EFNA5: variants seen among roughly 807,000 people sequenced by gnomAD.
EFNA5 encodes the protein ephrin-A5.
A neutral mutation model predicts 22.9 loss-of-function variants in EFNA5; 5 were observed. That is an observed-to-expected ratio of 0.22 (90% CI 0.11 to 0.46). The LOEUF (loss-of-function observed/expected upper bound fraction) is 0.46, where lower values mean the gene tolerates loss of function less well. Among genes scored for constraint, EFNA5 ranks in the 20% least tolerant of loss-of-function variants. EFNA5 has a pLI of 0.99. For missense variants in EFNA5, 237 were observed against 293.3 expected (o/e 0.81, Z 1.40); for synonymous variants, 113 against 112.2 (o/e 1.01, Z -0.04).
intron 1 of EFNA5, among the ~76,000 whole-genome samples, chr5:107,653,322 A>G (rs1194947218): frequency 6.6e-6 from 1 of 151,910 alleles, no homozygotes; most frequent in Admixed American, 6.6e-5. Flanking sequence ...GTTCTCCATA[A>G]CCCAGTGTAA....
In EFNA5 at chr5:107,435,693, T is replaced by G. The variant is rs114121957; in HGVS notation, c.126-8184A>C. Among the ~76,000 whole-genome samples, 204 of 152,292 alleles carry G rather than the reference T, an allele frequency of 1.3e-3. 1 individual carries two copies. The highest frequency in any genetic ancestry group is 4.6e-3 in the African/African-American group (192 of 41,562). ...CCTAGAGAAGTGAAGGTTCACAAGT[T>G]AAAAAAGTATTCAAGGATAAATTTC... On this transcript the variant is annotated intron_variant, in intron 1 of 4. Transcript: ENST00000333274.
At chr5:107,514,302 G>C (rs1299432702) in intron 1 of EFNA5, among the ~76,000 whole-genome samples, 1 of 152,088 alleles carries the variant, frequency 6.6e-6, no homozygotes, top group Non-Finnish European at 1.5e-5. Flanking sequence ...GTATTCACTT[G>C]GGAATTCAAC....
At chr5:107,440,371 C>G (rs1014796709) in intron 1 of EFNA5, among the ~76,000 whole-genome samples, 1 of 152,126 alleles carries the variant, frequency 6.6e-6, no homozygotes, top group Non-Finnish European at 1.5e-5. Flanking sequence ...TCTTAATAAA[C>G]TCTACTTTCA....
intron 1 of EFNA5, among the ~76,000 whole-genome samples, chr5:107,649,586 T>C (rs1359726451): frequency 6.6e-6 from 1 of 152,146 alleles, no homozygotes; most frequent in African/African-American, 2.4e-5. Flanking sequence ...AAATTATACA[T>C]CCTATTTTAC....
At chr5:107,427,074 A>G in intron 2 of EFNA5, 143 bp downstream of exon 2, 1 of 850,232 alleles carries the variant, frequency 1.2e-6, no homozygotes, top group Non-Finnish European at 1.8e-6. Context: ...CAGCTAATGT[A>G]TCTAGGGATC....
intron 1 of EFNA5, among the ~76,000 whole-genome samples, chr5:107,518,895 G>A (rs775902155): frequency 4.6e-5 from 7 of 152,226 alleles, no homozygotes; most frequent in South Asian, 2.1e-4. Context: ...TCCAGTCATT[G>A]AGAGGAACCA....
chr5:107,617,124 A>G (rs1352739451), intron 1 of EFNA5, among the ~76,000 whole-genome samples: 1 of 151,938 alleles, frequency 6.6e-6, no homozygotes, highest in African/African-American at 2.4e-5. Context: ...ACCCTAATTC[A>G]GCAGATACCG....
At chr5:107,569,765 T>A (rs1748755554) in intron 1 of EFNA5, among the ~76,000 whole-genome samples, 1 of 140,982 alleles carries the variant, frequency 7.1e-6, no homozygotes, top group African/African-American at 2.6e-5. Flanking sequence ...GGCAGGAGAA[T>A]CACTTGAACC....
intron 2 of EFNA5, among the ~76,000 whole-genome samples, chr5:107,405,485 A>G (rs866183069): frequency 9.8e-5 from 15 of 152,300 alleles, no homozygotes; most frequent in Admixed American, 2.6e-4. Context: ...GTGACTTTGT[A>G]TCTATTTTTT....
intron 1 of EFNA5, among the ~76,000 whole-genome samples, chr5:107,470,862 C>G (rs116336690): frequency 0.025 from 3,348 of 131,992 alleles, 57 homozygotes; most frequent in Non-Finnish European, 0.036. Flanking sequence ...AAGACCTTAT[C>G]TCTAAAAAAA....
intron 1 of EFNA5, among the ~76,000 whole-genome samples, chr5:107,448,341 T>G (rs1032749235): frequency 2.6e-5 from 4 of 152,178 alleles, no homozygotes; most frequent in Non-Finnish European, 5.9e-5. Context: ...ATTAAACGAC[T>G]ATTTGTAGAG....
At chr5:107,494,521 C>T (rs574009972) in intron 1 of EFNA5, among the ~76,000 whole-genome samples, 4 of 152,318 alleles carry the variant, frequency 2.6e-5, no homozygotes, top group Non-Finnish European at 5.9e-5. Context: ...ATACCTGAGC[C>T]TCCCACCCTC....
rs140343455 is a variant in EFNA5, at chr5:107,522,809, T to C, written c.126-95300A>G. On this transcript the variant is annotated intron_variant, in intron 1 of 4. Transcript: ENST00000333274. ...CCACTATGCTCTATCACATTTCTGG[T>C]TTTTATGAACTATATTTTTTATTCA... 7.9e-3 allele frequency among the ~76,000 whole-genome samples: 1,204 copies of C among 152,206 alleles called. 26 individuals carry two copies. The highest frequency in any genetic ancestry group is 0.027 in the African/African-American group (1,122 of 41,512).
In EFNA5 at chr5:107,429,528, A is replaced by G. The variant is rs1371635078; in HGVS notation, c.126-2019T>C. Among the ~76,000 whole-genome samples the G allele has an allele frequency of 3.3e-5, 5 of 152,204 alleles. No homozygotes were observed. In the East Asian group the frequency reaches 9.6e-4, roughly 29 times the overall value. On this transcript the variant is annotated intron_variant, in intron 1 of 4. Transcript: ENST00000333274. ...ACAAGCCAAGATACTCTTCCGAGAG[A>G]CAACATTGTGAAAAAGTAGAGACAC...
In EFNA5 at chr5:107,427,351, T is replaced by C. The variant is rs371145939; in HGVS notation, c.284A>G (p.Lys95Arg). 3.7e-6 allele frequency: 6 copies of C among 1,614,042 alleles called. No homozygotes were observed. The highest frequency in any genetic ancestry group is 5.1e-6 in the Non-Finnish European group (6 of 1,179,976). The change falls in exon 2 of 5, where the codon AAA (lysine) becomes AGA (arginine). Residue 95 changes from lysine to arginine, a missense_variant. By Grantham distance (26) the Lys-to-Arg change is conservative. Around this residue, in one of 3 missense-constraint regions of EFNA5, gnomAD observed 120 missense variants for 140.5 expected, o/e 0.85. Transcript: ENST00000333274. Reference sequence around the variant, plus strand: ...GTTACATTCCCATCTCTTGAACCCTTTGGAAGTGTGGTCGCAGGCACTGTA... The same window carrying C: ...GTTACATTCCCATCTCTTGAACCCTCTGGAAGTGTGGTCGCAGGCACTGTA... The part of the protein sequence containing the change: ...DGYSACDHTS[K>R]GFKRWECNRP...
chr5:107,460,951 A>G (rs1414457846), intron 1 of EFNA5, among the ~76,000 whole-genome samples: 3 of 152,172 alleles, frequency 2.0e-5, no homozygotes, highest in African/African-American at 7.2e-5. Flanking sequence ...TTCCACATCT[A>G]TCATGCAAAT....
At chr5:107,606,533 C>G (rs927856754) in intron 1 of EFNA5, among the ~76,000 whole-genome samples, 1 of 133,110 alleles carries the variant, frequency 7.5e-6, no homozygotes, top group Admixed American at 8.8e-5. Flanking sequence ...CACACTTGCA[C>G]GTACAACACA....
chr5:107,546,211 A>T (rs1748149463), intron 1 of EFNA5, among the ~76,000 whole-genome samples: 1 of 152,178 alleles, frequency 6.6e-6, no homozygotes, highest in African/African-American at 2.4e-5. Flanking sequence ...GTCTCAAAAG[A>T]TAACACAATT....
chr5:107,658,617 C>A (rs1341878793), intron 1 of EFNA5, among the ~76,000 whole-genome samples: 1 of 152,214 alleles, frequency 6.6e-6, no homozygotes, highest in Non-Finnish European at 1.5e-5. Flanking sequence ...AAAAGTTCAG[C>A]GCAAATACAA....
Sources: gnomAD v4.1 joint callset for allele counts (sites outside exome capture counted in the v4.1 genomes callset) on GRCh38, gnomAD v4.1.1 for gene constraint, gnomAD v4.1.1 regional missense constraint, MANE v1.5 for transcripts, NCBI Gene and HGNC (gene_info 2026-07-23, HGNC 2026-07-21) for gene names.